The following SEM1 variants were observed in gnomAD, a reference collection of about 807,000 sequenced individuals.
SEM1 encodes the protein 26S proteasome complex subunit SEM1.
In SEM1, 3 loss-of-function variants were observed where a neutral mutation model predicts 12.7. The observed-to-expected ratio is 0.24, with a 90% confidence interval of 0.11 to 0.61. SEM1 has a LOEUF of 0.61. Among genes scored for constraint, SEM1 ranks in the 20% least tolerant of loss-of-function variants. The pLI, the probability that SEM1 is intolerant of heterozygous loss-of-function variation, is 0.88. For missense variants in SEM1, 59 were observed against 81.3 expected (o/e 0.73, Z 1.06); for synonymous variants, 30 against 27.8 (o/e 1.08, Z -0.25).
chr7:96,682,101 A>AC (rs1419257744), intron 2 of SEM1, among the ~76,000 whole-genome samples: 4 of 151,618 alleles, frequency 2.6e-5, no homozygotes, highest in Non-Finnish European at 4.4e-5. Flanking sequence ...GGTCCTTCAC[A>AC]CCCCTTGTAA....
intron 2 of SEM1, among the ~76,000 whole-genome samples, chr7:96,681,454 T>A (rs1003338182): frequency 2.6e-5 from 4 of 152,198 alleles, no homozygotes; most frequent in African/African-American, 9.6e-5. Flanking sequence ...AGTTAAGCTG[T>A]TTCTGGGTAC....
At chr7:96,703,522 T>C (rs1208895434) in intron 1 of SEM1, among the ~76,000 whole-genome samples, 1 of 152,206 alleles carries the variant, frequency 6.6e-6, no homozygotes, top group African/African-American at 2.4e-5. Context: ...TCTAGGAGTT[T>C]ATCTTATAGA....
chr7:96,597,888 TAAAC>T (rs1333766627), intron 2 of SEM1, among the ~76,000 whole-genome samples: 1 of 152,136 alleles, frequency 6.6e-6, no homozygotes, highest in Non-Finnish European at 1.5e-5. Context: ...TACATCCAAG[TAAAC>T]AAACACATAT....
At chr7:96,491,106 T>C (rs1428747900) in intron 1 of SEM1, among the ~76,000 whole-genome samples, 1 of 152,222 alleles carries the variant, frequency 6.6e-6, no homozygotes, top group African/African-American at 2.4e-5. Flanking sequence ...GGTATCTCTT[T>C]TTTTCTTTGA....
At position 96,709,830 on chromosome 7, in the gene SEM1, G is replaced by A; in HGVS notation, c.-67C>T. The A allele has an allele frequency of 1.4e-6, 2 of 1,479,768 alleles. No homozygotes were observed. Among genetic ancestry groups the A allele is most frequent in the Non-Finnish European group, 1.9e-6 (2 of 1,060,908 alleles). 91.7% of individuals were successfully genotyped at this position (1,479,768 alleles called of 1,614,324 possible). A position where few individuals can be genotyped will look rare whatever the true frequency, so the allele number is the denominator to read the frequency against. On this transcript the variant is annotated 5_prime_UTR_variant, in exon 1 of 3. Coordinates refer to ENST00000248566, the MANE Select transcript of SEM1 (RefSeq NM_006304.2). ...GTTGGAACCCTCACTCTTCCTCAAG[G>A]AAACGCCACCGTCACTACCGCCTCC...
intron 2 of SEM1, among the ~76,000 whole-genome samples, chr7:96,510,008 A>G (rs1230623398): frequency 6.6e-6 from 1 of 152,140 alleles, no homozygotes; most frequent in African/African-American, 2.4e-5. Context: ...GATATACTTA[A>G]TACTGCTGAA....
chr7:96,671,049 C>T (rs549074846), downstream of SEM1, among the ~76,000 whole-genome samples: 109 of 152,190 alleles, frequency 7.2e-4, no homozygotes, highest in Middle Eastern at 0.01. Flanking sequence ...GCTGCATGCA[C>T]GACATTTTGG....
intron 2 of SEM1, among the ~76,000 whole-genome samples, chr7:96,648,999 T>C (rs550355198): frequency 1.3e-5 from 2 of 152,354 alleles, no homozygotes; most frequent in East Asian, 3.9e-4. Flanking sequence ...AAGGTCGCTT[T>C]CTGCGACAGA....
At chr7:96,603,573 A>C (rs1279325948) in intron 2 of SEM1, among the ~76,000 whole-genome samples, 1 of 152,132 alleles carries the variant, frequency 6.6e-6, no homozygotes, top group Non-Finnish European at 1.5e-5. Flanking sequence ...TACGCACATA[A>C]AAAAGGTAGT....
chr7:96,486,807 TC>T (rs1156407140), intron 1 of SEM1, among the ~76,000 whole-genome samples: 1 of 152,196 alleles, frequency 6.6e-6, no homozygotes, highest in Non-Finnish European at 1.5e-5. Context: ...CAGAAAGAGT[TC>T]TTCCTTAAAC....
At chr7:96,593,266 A>G (rs918657109) in intron 2 of SEM1, among the ~76,000 whole-genome samples, 1 of 152,182 alleles carries the variant, frequency 6.6e-6, no homozygotes, top group African/African-American at 2.4e-5. Flanking sequence ...ACAACAACAC[A>G]TATTGCTTGA....
intron 2 of SEM1, 123 bp downstream of exon 2, chr7:96,694,673 TAC>T: frequency 1.7e-6 from 1 of 598,582 alleles, no homozygotes; most frequent in Non-Finnish European, 2.9e-6. Context: ...TGTCTTACTT[TAC>T]ACAGTTCAAA....
At chr7:96,575,495 A>T (rs1269410669) in intron 2 of SEM1, among the ~76,000 whole-genome samples, 1 of 152,182 alleles carries the variant, frequency 6.6e-6, no homozygotes, top group African/African-American at 2.4e-5. Context: ...CTCAGGTGCT[A>T]TGCTGGGAGA....
chr7:96,679,761 T>C (rs1485910938), intron 2 of SEM1, among the ~76,000 whole-genome samples: 1 of 152,164 alleles, frequency 6.6e-6, no homozygotes, highest in East Asian at 1.9e-4. Flanking sequence ...CCCATTGTTA[T>C]AAAAGGTCTC....
rs376389701 is a variant in SEM1 at position 96,640,132 on chromosome 7, A to G, written c.171-17489T>C. 2.0e-5 allele frequency among the ~76,000 whole-genome samples: 3 copies of G among 152,140 alleles called. No individual in the cohort carries two copies. Among genetic ancestry groups the G allele is most frequent in the Admixed American group, 6.6e-5 (1 of 15,246 alleles). ...ACTGCTGTAATGAATACAAATGCAA[A>G]ATGGAACAGCCACTTTGGGAGACAG... On this transcript the variant is annotated intron_variant, in intron 2 of 2. Transcript: ENST00000417009. The surrounding 1 kb of genome is among the most constrained non-coding windows in gnomAD (Gnocchi z 4.0).
chr7:96,569,837 G>C (rs1805961505), intron 2 of SEM1, among the ~76,000 whole-genome samples: 1 of 152,046 alleles, frequency 6.6e-6, no homozygotes, highest in Non-Finnish European at 1.5e-5. Flanking sequence ...ATGGCCTGTA[G>C]TTCCATTCAT....
intron 2 of SEM1, among the ~76,000 whole-genome samples, chr7:96,692,397 G>A (rs1174785692): frequency 6.6e-6 from 1 of 152,126 alleles, no homozygotes; most frequent in Non-Finnish European, 1.5e-5. Flanking sequence ...AGAAAACTCT[G>A]ACACGTGATT....
chr7:96,561,131 C>T (rs975542088), intron 2 of SEM1, among the ~76,000 whole-genome samples: 8 of 152,114 alleles, frequency 5.3e-5, no homozygotes, highest in African/African-American at 1.7e-4. Flanking sequence ...TTACTGCAAA[C>T]CCCTCTTACC....
chr7:96,685,325 T>C (rs1401191933), downstream of SEM1, among the ~76,000 whole-genome samples: 1 of 152,096 alleles, frequency 6.6e-6, no homozygotes, highest in East Asian at 1.9e-4. Context: ...AACTGAATTT[T>C]GGAAAATAAT....
Sources: allele counts gnomAD v4.1 joint callset (sites outside exome capture counted in the v4.1 genomes callset), GRCh38; gene constraint gnomAD v4.1.1; non-coding constraint Gnocchi (gnomAD v3.1); transcripts MANE v1.5; gene names NCBI Gene and HGNC (gene_info 2026-07-23, HGNC 2026-07-21).